E2F3: variants seen among roughly 807,000 people sequenced by gnomAD.
The protein encoded by E2F3 is transcription factor E2F3.
A neutral mutation model predicts 44.4 loss-of-function variants in E2F3; 11 were observed. The observed-to-expected ratio is 0.25, with a 90% CI of 0.16 to 0.41. E2F3 has a LOEUF of 0.41. Among genes scored for constraint, E2F3 ranks in the 10% least tolerant of loss-of-function variants. The pLI, the probability that E2F3 is intolerant of heterozygous loss-of-function variation, is 1.00. For missense variants in E2F3, 487 were observed against 583.6 expected, an observed-to-expected ratio of 0.83 and a Z score of 1.70; for synonymous variants, 249 against 253.0, an observed-to-expected ratio of 0.98 and a Z score of 0.15.
intron 1 of E2F3, among the ~76,000 whole-genome samples, chr6:20,410,134 T>G (rs768926667): frequency 3.3e-5 from 5 of 152,170 alleles, no homozygotes; most frequent in Non-Finnish European, 7.4e-5. Flanking sequence ...TTCGTTCCAC[T>G]CTGCTCTTCC....
intron 1 of E2F3, among the ~76,000 whole-genome samples, chr6:20,408,566 A>G (rs1453913512): frequency 1.3e-5 from 2 of 152,184 alleles, no homozygotes; most frequent in African/African-American, 4.8e-5. Flanking sequence ...ATACTCTCCT[A>G]TCCAATGCAA....
rs187482995 is a variant in E2F3 at position 20,453,602 on chromosome 6, A to G, written c.394-26244A>G. On this transcript the variant is annotated intron_variant, in intron 1 of 6. Transcript: ENST00000346618. ...GCAAATTTTATTATTTGTGGAGACG[A>G]GGTCTCGCTACATTGTCCAGGCTGG... 1.1e-3 allele frequency among the ~76,000 whole-genome samples: 160 copies of G among 152,122 alleles called. 1 individual carries two copies. Among genetic ancestry groups the G allele is most frequent in the Admixed American group, 0.01 (159 of 15,268 alleles).
At chr6:20,463,551 G>C (rs569280212) in intron 1 of E2F3, among the ~76,000 whole-genome samples, 7 of 151,984 alleles carry the variant, frequency 4.6e-5, no homozygotes, top group Admixed American at 3.9e-4. Context: ...GAATTCTTTC[G>C]GCTTTCGTAT....
intron 1 of E2F3, among the ~76,000 whole-genome samples, chr6:20,464,629 G>A (rs1276983759): frequency 6.6e-6 from 1 of 152,180 alleles, no homozygotes. Context: ...AACCTTGCTG[G>A]CTCCCATTTA....
chr6:20,482,068 G>A (rs760594055), intron 3 of E2F3, among the ~76,000 whole-genome samples: 8 of 152,058 alleles, frequency 5.3e-5, no homozygotes, highest in Non-Finnish European at 7.4e-5. Context: ...AAAGCATTTT[G>A]GAAGGAATAA....
intron 1 of E2F3, among the ~76,000 whole-genome samples, chr6:20,442,302 T>C (rs1760804881): frequency 6.6e-6 from 1 of 152,210 alleles, no homozygotes; most frequent in African/African-American, 2.4e-5. Context: ...AGTCTTTTCA[T>C]TCTCCTGGTA....
chr6:20,487,212 G>C (rs547224075), intron 5 of E2F3, among the ~76,000 whole-genome samples: 2 of 152,286 alleles, frequency 1.3e-5, no homozygotes, highest in East Asian at 3.9e-4. Context: ...GATCACATGG[G>C]GCTTTGGGTT....
chr6:20,484,189 T>C (rs1486614547), intron 4 of E2F3, among the ~76,000 whole-genome samples: 3 of 152,204 alleles, frequency 2.0e-5, no homozygotes, highest in Admixed American at 2.0e-4. Context: ...TCTGGGGCCT[T>C]TGTTGCAGAA....
chr6:20,479,437 G>A (rs1357378266), intron 1 of E2F3, among the ~76,000 whole-genome samples: 1 of 152,206 alleles, frequency 6.6e-6, no homozygotes, highest in Non-Finnish European at 1.5e-5. Flanking sequence ...CAAGGAAGGG[G>A]GTCCAACCCA....
rs1031761357 is a variant in E2F3 at position 20,487,963 on chromosome 6, G to A, written c.1000-150G>A. 3 of 1,085,744 alleles carry A rather than the reference G, an allele frequency of 2.8e-6. No homozygotes were observed. The African/African-American group carries it at 4.8e-5, about 17-fold the overall frequency. 67.3% of individuals were successfully genotyped at this position (1,085,744 alleles called of 1,614,324 possible). On this transcript the variant is annotated intron_variant, in intron 5 of 6. Coordinates refer to ENST00000346618, the MANE Select transcript of E2F3 (RefSeq NM_001949.5). The stretch of plus-strand genomic sequence containing the variant: ...GTGGTTTGCTGACCCCTGCTCTAGA[G>A]GATGACAGTCTTTCATAGAGTTGGA...
chr6:20,464,795 C>G (rs1173300099), intron 1 of E2F3, among the ~76,000 whole-genome samples: 1 of 152,226 alleles, frequency 6.6e-6, no homozygotes, highest in Non-Finnish European at 1.5e-5. Context: ...TACCACCTCT[C>G]TCTAAACTTT....
intron 1 of E2F3, among the ~76,000 whole-genome samples, chr6:20,475,453 G>A (rs964345117): frequency 4.6e-5 from 7 of 152,278 alleles, no homozygotes; most frequent in East Asian, 1.9e-4. Flanking sequence ...GCTGAGGCAC[G>A]GCCCTAGGTC....
intron 1 of E2F3, among the ~76,000 whole-genome samples, chr6:20,462,986 G>A (rs918342919): frequency 7.1e-6 from 1 of 141,282 alleles, no homozygotes; most frequent in African/African-American, 2.6e-5. Context: ...ACTCTTTAGT[G>A]CAGTCATAGC....
At chr6:20,461,808 T>C (rs1032710585) in intron 1 of E2F3, among the ~76,000 whole-genome samples, 1 of 152,202 alleles carries the variant, frequency 6.6e-6, no homozygotes, top group Non-Finnish European at 1.5e-5. Flanking sequence ...TTATGGTGCA[T>C]ATTGAGAAGT....
At chr6:20,482,460 G>A (rs1415699714) in intron 3 of E2F3, among the ~76,000 whole-genome samples, 1 of 149,808 alleles carries the variant, frequency 6.7e-6, no homozygotes, top group African/African-American at 2.4e-5. Flanking sequence ...GAGGAAGGTG[G>A]TTGCCTTCTT....
At chr6:20,447,298 T>C (rs1417323647) in intron 1 of E2F3, among the ~76,000 whole-genome samples, 1 of 151,962 alleles carries the variant, frequency 6.6e-6, no homozygotes, top group African/African-American at 2.4e-5. Flanking sequence ...AGCTAAGCAG[T>C]ACTACGTTAT....
intron 1 of E2F3, among the ~76,000 whole-genome samples, chr6:20,411,905 G>T (rs78914307): frequency 0.057 from 8,732 of 152,188 alleles, 351 homozygotes; most frequent in Middle Eastern, 0.12. Context: ...AATCGGTCTG[G>T]CTTGCTTTTT....
chr6:20,472,476 T>C (rs1761925348), intron 1 of E2F3, among the ~76,000 whole-genome samples: 1 of 151,774 alleles, frequency 6.6e-6, no homozygotes, highest in South Asian at 2.1e-4. Context: ...CATTTGAGCA[T>C]AGGAGTTCAA....
chr6:20,473,599 G>C (rs1298848232), intron 1 of E2F3, among the ~76,000 whole-genome samples: 1 of 152,162 alleles, frequency 6.6e-6, no homozygotes, highest in Non-Finnish European at 1.5e-5. Context: ...ATATTTGTGG[G>C]CTCACACAAA....
Sources: gnomAD v4.1 joint callset for allele counts (sites outside exome capture counted in the v4.1 genomes callset) on GRCh38, gnomAD v4.1.1 for gene constraint, MANE v1.5 for transcripts, NCBI Gene and HGNC (gene_info 2026-07-23, HGNC 2026-07-21) for gene names.